SLC6A14: variants seen among roughly 807,000 people sequenced by gnomAD.
SLC6A14 encodes sodium- and chloride-dependent neutral and basic amino acid transporter B(0+).
In SLC6A14, 21 loss-of-function variants were observed where a neutral mutation model predicts 51.4. The observed-to-expected ratio is 0.41, with a 90% CI of 0.29 to 0.59. The LOEUF (loss-of-function observed/expected upper bound fraction) is 0.59. Ranked by LOEUF, SLC6A14 falls within the 20% of genes least tolerant of loss-of-function variation. The pLI is 0.31. For missense variants in SLC6A14, 371 were observed against 472.8 expected (o/e 0.78, Z 2.00); for synonymous variants, 177 against 160.7 (o/e 1.10, Z -0.77).
At chrX:116,444,621 A>G (rs1250391624) in intron 5 of SLC6A14, among the ~76,000 whole-genome samples, 1 of 112,030 alleles carries the variant, frequency 8.9e-6, no homozygotes, top group African/African-American at 3.2e-5. Flanking sequence ...ATTTATTTAC[A>G]TAAAGGATCT....
At chrX:116,439,403 T>C (rs1407171578) in intron 2 of SLC6A14, among the ~76,000 whole-genome samples, 2 of 111,592 alleles carry the variant, frequency 1.8e-5, no homozygotes, top group Admixed American at 1.9e-4. Context: ...GAAATTAAAA[T>C]TTGTTAAATG....
chrX:116,457,808 C>G, intron 13 of SLC6A14, 32 bp downstream of exon 13: 1 of 1,028,018 alleles, frequency 9.7e-7, no homozygotes, highest in Non-Finnish European at 1.4e-6. Context: ...ATACTTTACA[C>G]AAAGTAGTTA....
At chrX:116,443,575 C>T in intron 4 of SLC6A14, 68 bp from the exon 5 acceptor site, 1 of 778,731 alleles carries the variant, frequency 1.3e-6, no homozygotes, top group Non-Finnish European at 1.7e-6. Context: ...ACCATTAAAA[C>T]ATTTTCTAGG....
chrX:116,445,385 A>G (rs1159203674), intron 6 of SLC6A14, among the ~76,000 whole-genome samples: 2 of 107,095 alleles, frequency 1.9e-5, no homozygotes, highest in Non-Finnish European at 3.9e-5. Flanking sequence ...ATGGAATCAT[A>G]CATTGCAATG....
Position 116,444,933 on chromosome X carries a change from A to G in SLC6A14, c.672A>G (p.Gln224=). ...SEQYWNKVAL[Q]RSSGMNETGV... ...TGTGTTTCAGTAAAGTGGCGCTCCA[A>G]CGGTCAAGTGGAATGAATGAGACTG... is the stretch of plus-strand genomic sequence containing the variant. Residue 224 remains glutamine (Q), a synonymous_variant, in exon 6 of 14, where the codon CAA becomes CAG. Transcript: ENST00000598581. The G allele has an allele frequency of 8.3e-7, 1 of 1,210,405 alleles. No individual in the cohort carries two copies. The highest frequency in any genetic ancestry group is 1.1e-6 in the Non-Finnish European group (1 of 894,330).
In SLC6A14 at chrX:116,436,764, G is replaced by A. The variant is rs1927489896; in HGVS notation, c.48+7G>A. ...CAAGTGCAGGGAGAAGGAGGTAGGG[G>A]TCTGGGAGCTGCGGGAGGTGTGGAG... On this transcript the variant is annotated splice_region_variant and intron_variant, in intron 1 of 13. Coordinates refer to ENST00000598581, the MANE Select transcript of SLC6A14 (RefSeq NM_007231.5). The A allele has an allele frequency of 1.4e-5, 16 of 1,164,970 alleles. No individual in the cohort carries two copies. Among genetic ancestry groups the A allele is most frequent in the Non-Finnish European group, 1.8e-5 (16 of 871,166 alleles).
At chrX:116,437,000 C>G (rs1556693329) in intron 1 of SLC6A14, among the ~76,000 whole-genome samples, 1 of 111,571 alleles carries the variant, frequency 9.0e-6, no homozygotes, top group Non-Finnish European at 1.9e-5. Context: ...ATCCTGTTCT[C>G]TATCCCTCTC....
At chrX:116,442,250 A>G (rs1235383540) in intron 3 of SLC6A14, among the ~76,000 whole-genome samples, 1 of 111,823 alleles carries the variant, frequency 8.9e-6, no homozygotes, top group Admixed American at 9.5e-5. Context: ...AAGAAAAAGG[A>G]AAAAAGTAAT....
Position 116,441,076 on chromosome X carries a change from A to T in SLC6A14, c.325A>T (p.Arg109Trp), listed in dbSNP as rs952099777. ...TAGCTTAGGTCCAGTTTCAGTTTGG[A>T]GGATTCTTCCATTGTTTCAAGGTTG... The part of the protein sequence containing the change: ...FASLGPVSVW[R>W]ILPLFQGVGI... Residue 109 changes from arginine (R) to tryptophan (W), a missense_variant, in exon 3 of 14, where the codon AGG becomes TGG. Physicochemically the swap from Arg to Trp is moderately radical, Grantham distance 101. Around this residue, in one of 2 missense-constraint regions of SLC6A14, gnomAD observed 277 missense variants for 391.8 expected, o/e 0.71. Coordinates refer to ENST00000598581, the MANE Select transcript of SLC6A14 (RefSeq NM_007231.5). The T allele has an allele frequency of 9.1e-6, 11 of 1,208,701 alleles. No individual in the cohort carries two copies. The highest frequency in any genetic ancestry group is 1.2e-5 in the Non-Finnish European group (11 of 894,464).
chrX:116,445,456 C>CGG (rs1320684437), intron 6 of SLC6A14, among the ~76,000 whole-genome samples: 1 of 41,058 alleles, frequency 2.4e-5, no homozygotes, highest in Admixed American at 3.3e-4. Context: ...ATCCCCTAGT[C>CGG]GGAGAGAGAG....
chrX:116,439,196 T>C (rs1264405570), intron 2 of SLC6A14, among the ~76,000 whole-genome samples: 1 of 111,680 alleles, frequency 9.0e-6, no homozygotes, highest in Non-Finnish European at 1.9e-5. Context: ...TATATTAAAC[T>C]AGTTTTAATA....
chrX:116,458,887 A>G lies in SLC6A14; in HGVS notation c.1861A>G (p.Met621Val). The G allele has an allele frequency of 8.3e-7, 1 of 1,204,612 alleles. No homozygotes were observed. The highest frequency in any genetic ancestry group is 1.1e-6 in the Non-Finnish European group (1 of 891,026). ...ACATCGTGGGGAAAGATATAAAGAC[A>G]TGGTAGATCCTAAAAAAGAGGCTGA... Reference protein sequence around the residue: ...EQHRGERYKDMVDPKKEADHE... With the variant: ...EQHRGERYKDVVDPKKEADHE... Residue 621 changes from methionine to valine, a missense_variant, in exon 14 of 14, where the codon ATG (methionine) becomes GTG (valine). Met to Val is a conservative substitution (Grantham distance 21, BLOSUM62 1). Around this residue, in one of 2 missense-constraint regions of SLC6A14, gnomAD observed 94 missense variants for 81.0 expected, o/e 1.16. Transcript: ENST00000598581.
intron 3 of SLC6A14, among the ~76,000 whole-genome samples, chrX:116,442,261 T>G (rs1209764267): frequency 2.7e-5 from 3 of 111,593 alleles, no homozygotes; most frequent in Non-Finnish European, 5.6e-5. Context: ...AAAAAGTAAT[T>G]TAAAACAGTC....
chrX:116,438,041 C>T (rs1927519061), intron 2 of SLC6A14, 86 bp downstream of exon 2: 10 of 747,579 alleles, frequency 1.3e-5, no homozygotes, highest in African/African-American at 1.1e-4. Context: ...GAATATTTTA[C>T]GAGTTGAAGG....
At chrX:116,451,255 C>T (rs1927817525) in intron 7 of SLC6A14, among the ~76,000 whole-genome samples, 187 bp from the exon 8 acceptor site, 2 of 110,800 alleles carry the variant, frequency 1.8e-5, no homozygotes, top group Non-Finnish European at 3.8e-5. Context: ...AGAAGGGTGA[C>T]AATGATGAGG....
intron 9 of SLC6A14, 48 bp from the exon 10 acceptor site, chrX:116,454,276 A>G (rs781997086): frequency 1.3e-6 from 1 of 742,698 alleles, no homozygotes; most frequent in South Asian, 2.3e-5. Flanking sequence ...GATTAACAGT[A>G]TTGGCAAATA....
Position 116,436,727 on chromosome X carries a change from C to T in SLC6A14, c.18C>T (p.Cys6=). 1 of 1,165,122 alleles carries T rather than the reference C, an allele frequency of 8.6e-7. No homozygotes were observed. Among genetic ancestry groups the T allele is most frequent in the Admixed American group, 2.6e-5 (1 of 38,566 alleles). The change falls in exon 1 of 14, where the codon TGC becomes TGT. Residue 6 remains cysteine (C), a synonymous_variant. Coordinates refer to ENST00000598581, the MANE Select transcript of SLC6A14 (RefSeq NM_007231.5). The stretch of plus-strand genomic sequence containing the variant: ...AGTGAACCATGGACAAGTTGAAATG[C>T]CCGAGTTTCTTCAAGTGCAGGGAGA... MDKLK[C]PSFFKCREKE...
At chrX:116,444,126 T>A (rs1927656840) in intron 5 of SLC6A14, among the ~76,000 whole-genome samples, 1 of 112,310 alleles carries the variant, frequency 8.9e-6, no homozygotes, top group East Asian at 2.8e-4. Flanking sequence ...GTTGTAATGA[T>A]AAATAGTTGG....
intron 13 of SLC6A14, among the ~76,000 whole-genome samples, 193 bp from the exon 14 acceptor site, chrX:116,458,616 T>C (rs1264712517): frequency 8.9e-6 from 1 of 112,057 alleles, no homozygotes; most frequent in Non-Finnish European, 1.9e-5. Flanking sequence ...ACTAGCTACA[T>C]TTGATTATAC....
Sources: gnomAD v4.1 joint callset for allele counts (sites outside exome capture counted in the v4.1 genomes callset) on GRCh38, gnomAD v4.1.1 for gene constraint, gnomAD v4.1.1 regional missense constraint, MANE v1.5 for transcripts, NCBI Gene and HGNC (gene_info 2026-07-23, HGNC 2026-07-21) for gene names.